Variants in MOGAT1 observed in about 807,000 individuals in gnomAD.
MOGAT1 encodes 2-acylglycerol O-acyltransferase 1.
MOGAT1 carries 32 observed loss-of-function variants against 31.4 expected under a neutral mutation model. The observed-to-expected ratio is 1.02, with a 90% CI of 0.77 to 1.37. The LOEUF (loss-of-function observed/expected upper bound fraction) is 1.37. MOGAT1 is among the 40% of genes most tolerant of loss of function. MOGAT1 has a pLI of 0.00. For synonymous variants in MOGAT1, 145 were observed against 144.5 expected (o/e 1.00, Z -0.03); for missense variants, 426 against 402.0 (o/e 1.06, Z -0.51).
chr2:222,677,345 C>G (rs1382444415), intron 1 of MOGAT1, among the ~76,000 whole-genome samples: 1 of 152,134 alleles, frequency 6.6e-6, no homozygotes, highest in Admixed American at 6.5e-5. Flanking sequence ...CTTTGGGAGG[C>G]CGAGGTGGGT....
intron 5 of MOGAT1, among the ~76,000 whole-genome samples, chr2:222,696,838 G>A (rs1692844328): frequency 6.6e-6 from 1 of 152,098 alleles, no homozygotes; most frequent in Non-Finnish European, 1.5e-5. Flanking sequence ...CCAGGAGTTC[G>A]AGACCAGACT....
At chr2:222,680,037 T>A (rs1454337205) in intron 1 of MOGAT1, among the ~76,000 whole-genome samples, 1 of 152,246 alleles carries the variant, frequency 6.6e-6, no homozygotes, top group Non-Finnish European at 1.5e-5. Flanking sequence ...GCTCTCCTTC[T>A]ATTTTGCAGA....
At chr2:222,674,338 G>A (rs1389146349) in intron 1 of MOGAT1, among the ~76,000 whole-genome samples, 1 of 152,212 alleles carries the variant, frequency 6.6e-6, no homozygotes, top group Admixed American at 6.5e-5. Context: ...AGAAACTAGA[G>A]AGAAGAGTAT....
At chr2:222,695,661 GTCC>G (rs1339323101) in intron 5 of MOGAT1, among the ~76,000 whole-genome samples, 5 of 152,050 alleles carry the variant, frequency 3.3e-5, no homozygotes, top group Admixed American at 2.6e-4. Flanking sequence ...TATGATAAGT[GTCC>G]TCATTATGTT....
intron 5 of MOGAT1, among the ~76,000 whole-genome samples, chr2:222,707,349 A>AAAAG (rs1396175675): frequency 1.3e-5 from 1 of 76,124 alleles, no homozygotes; most frequent in African/African-American, 5.8e-5. Context: ...GAAAGAAAGA[A>AAAAG]AAAGAAAGAA....
chr2:222,709,928 G>T lies in MOGAT1; in HGVS notation c.*38G>T. On this transcript the variant is annotated 3_prime_UTR_variant, in exon 6 of 6. Coordinates refer to ENST00000446656, the MANE Select transcript of MOGAT1 (RefSeq NM_058165.3). ...AAAAAATTAAAAAATAAAAATAAAT[G>T]ACTTGGCTGTAATAAGGCATAAAGA... The T allele has an allele frequency of 6.9e-7, 1 of 1,449,052 alleles. No homozygotes were observed. Among genetic ancestry groups the T allele is most frequent in the South Asian group, 1.3e-5 (1 of 75,448 alleles). The allele number at this position is 1,449,052 out of a possible 1,614,324, so 89.8% of individuals were successfully genotyped here.
intron 3 of MOGAT1, among the ~76,000 whole-genome samples, chr2:222,692,303 T>C (rs1371390741): frequency 1.3e-5 from 2 of 152,236 alleles, no homozygotes; most frequent in African/African-American, 4.8e-5. Context: ...GACTTAATGA[T>C]TGATTCATCC....
intron 5 of MOGAT1, among the ~76,000 whole-genome samples, chr2:222,701,859 T>C (rs932500754): frequency 6.6e-6 from 1 of 152,188 alleles, no homozygotes; most frequent in South Asian, 2.1e-4. Flanking sequence ...GAGGTCTGAC[T>C]CTGAGCGACT....
rs190410480 is a variant in MOGAT1 at position 222,702,565 on chromosome 2, A to T, written c.854-7171A>T. 3.3e-5 allele frequency among the ~76,000 whole-genome samples: 5 copies of T among 152,300 alleles called. No individual in the cohort carries two copies. In the East Asian group the frequency reaches 5.8e-4, roughly 18 times the overall value. ...TGCACAAAATGCTAGAAATTGCTGC[A>T]TCTAGATGGGGGTAGGCAAGTGCTT... On this transcript the variant is annotated intron_variant, in intron 5 of 5. Coordinates refer to ENST00000446656, the MANE Select transcript of MOGAT1 (RefSeq NM_058165.3).
chr2:222,671,999 CA>C, intron 1 of MOGAT1, 120 bp downstream of exon 1: 1 of 803,868 alleles, frequency 1.2e-6, no homozygotes, highest in Non-Finnish European at 2.0e-6. Context: ...CCAGAGCAGG[CA>C]GGTCAAAGAG....
At chr2:222,688,949 C>T (rs1053235410) in intron 2 of MOGAT1, among the ~76,000 whole-genome samples, 13 of 152,208 alleles carry the variant, frequency 8.5e-5, no homozygotes, top group African/African-American at 2.9e-4. Context: ...CTCCCAACAC[C>T]GTTGCGTTGG....
rs1472210373 is a variant in MOGAT1, at chr2:222,694,540, A to C, written c.653+4A>C. Reference sequence around the variant, plus strand: ...TTAAAATTGCTTTGACCCATGGGTAAGTGGCTTTTTGTATAAAGTAGGGGG... The same window carrying C: ...TTAAAATTGCTTTGACCCATGGGTACGTGGCTTTTTGTATAAAGTAGGGGG... On this transcript the variant is annotated splice_donor_region_variant and intron_variant, in intron 4 of 5. Coordinates refer to ENST00000446656, the MANE Select transcript of MOGAT1 (RefSeq NM_058165.3). 5.0e-6 allele frequency: 8 copies of C among 1,612,034 alleles called. No individual in the cohort carries two copies. The highest frequency in any genetic ancestry group is 1.3e-5 in the African/African-American group (1 of 74,952).
At chr2:222,689,980 C>T (rs968846745) in intron 3 of MOGAT1, among the ~76,000 whole-genome samples, 5 of 152,222 alleles carry the variant, frequency 3.3e-5, no homozygotes, top group South Asian at 2.1e-4. Context: ...CCAGGCCGGG[C>T]GCGGTGGCTC....
chr2:222,701,596 A>AAGAAAGGGAGGG (rs1692930362), intron 5 of MOGAT1, among the ~76,000 whole-genome samples: 3 of 138,978 alleles, frequency 2.2e-5, no homozygotes, highest in Non-Finnish European at 4.6e-5. Context: ...GAAAGAAAGA[A>AAGAAAGGGAGGG]AGGGAGGGAG....
Position 222,709,889 on chromosome 2 carries a change from G to C in MOGAT1, c.1007G>C (p.Ter336SerextTer13). Residue 336 changes from the stop codon to serine (S), a stop_lost, in exon 6 of 6, where the codon TGA becomes TCA. Transcript: ENST00000446656. ...GAGCACGAGACTCTTGTTTTAAAAT[G>C]ACTTGACTATAAAAAAAAATTAAAA... ...IPEHETLVLK[*>S] 6.3e-7 allele frequency: 1 copy of C among 1,583,952 alleles called. No individual in the cohort carries two copies. The highest frequency in any genetic ancestry group is 8.6e-7 in the Non-Finnish European group (1 of 1,168,674).
chr2:222,677,347 G>A (rs947179865), intron 1 of MOGAT1, among the ~76,000 whole-genome samples: 3 of 152,174 alleles, frequency 2.0e-5, no homozygotes, highest in African/African-American at 4.8e-5. Flanking sequence ...TTGGGAGGCC[G>A]AGGTGGGTGG....
chr2:222,689,126 A>C, intron 2 of MOGAT1, 139 bp from the exon 3 acceptor site: 1 of 726,802 alleles, frequency 1.4e-6, no homozygotes, highest in East Asian at 2.7e-5. Context: ...AGAAATTTGG[A>C]AACAGCTCCA....
rs187868831 is a variant in MOGAT1, at chr2:222,686,284, C to T, written c.95-2060C>T. Among the ~76,000 whole-genome samples the T allele has an allele frequency of 1.6e-4, 25 of 152,268 alleles. No individual in the cohort carries two copies. The East Asian group carries it at 4.2e-3, about 26-fold the overall frequency. Reference sequence around the variant, plus strand: ...CTTTGGACGCTCAAATTCCCTGAGCCTCAGTTTCTACAACTGTAAAATGGG... The same window carrying T: ...CTTTGGACGCTCAAATTCCCTGAGCTTCAGTTTCTACAACTGTAAAATGGG... On this transcript the variant is annotated intron_variant, in intron 1 of 5. Transcript: ENST00000446656.
chr2:222,680,265 T>A (rs1388189523), intron 1 of MOGAT1, among the ~76,000 whole-genome samples: 3 of 152,224 alleles, frequency 2.0e-5, no homozygotes, highest in African/African-American at 7.2e-5. Flanking sequence ...GGATTTCAGG[T>A]TGAACTATAC....
Sources: allele counts gnomAD v4.1 joint callset (sites outside exome capture counted in the v4.1 genomes callset), GRCh38; gene constraint gnomAD v4.1.1; transcripts MANE v1.5; gene names NCBI Gene and HGNC (gene_info 2026-07-23, HGNC 2026-07-21).